The following SPECC1 variants were observed in gnomAD, a reference collection of about 807,000 sequenced individuals.
The protein encoded by SPECC1 is cytospin-B.
SPECC1 carries 62 observed loss-of-function variants against 104.1 expected under a neutral mutation model. The observed-to-expected ratio is 0.60, with a 90% CI of 0.49 to 0.74. SPECC1 has a LOEUF of 0.74. SPECC1 is among the 30% of genes least tolerant of loss of function. The probability of loss-of-function intolerance (pLI) is 0.00; values close to 1 mark genes in which losing one functional copy is unlikely to be tolerated. For synonymous variants in SPECC1, 513 were observed against 501.6 expected (o/e 1.02, Z -0.30); for missense variants, 1,306 against 1,310.5 (o/e 1.00, Z 0.05).
At chr17:20,019,577 C>CT (rs972090040) in intron 1 of SPECC1, among the ~76,000 whole-genome samples, 1 of 152,152 alleles carries the variant, frequency 6.6e-6, no homozygotes, top group Non-Finnish European at 1.5e-5. Flanking sequence ...TCCTTTTGAA[C>CT]TTTATCTGCA....
chr17:20,228,591 A>G (rs1018764194), intron 5 of SPECC1, among the ~76,000 whole-genome samples: 5 of 152,234 alleles, frequency 3.3e-5, no homozygotes, highest in Middle Eastern at 3.2e-3. Flanking sequence ...ACAGAGATGG[A>G]TGATAGGTAT....
chr17:20,079,087 G>A (rs1422577334), intron 1 of SPECC1, among the ~76,000 whole-genome samples: 1 of 152,120 alleles, frequency 6.6e-6, no homozygotes, highest in Non-Finnish European at 1.5e-5. Context: ...ATGCTTAAAG[G>A]TCTTAACTTA....
At chr17:20,165,443 T>C (rs2033570442) in intron 3 of SPECC1, among the ~76,000 whole-genome samples, 2 of 152,264 alleles carry the variant, frequency 1.3e-5, no homozygotes, top group South Asian at 4.1e-4. Flanking sequence ...ACATTTTCTT[T>C]ATCCACTCTG....
intron 7 of SPECC1, 102 bp from the exon 8 acceptor site, chr17:20,245,824 C>A: frequency 7.5e-7 from 1 of 1,332,528 alleles, no homozygotes; most frequent in Non-Finnish European, 1.0e-6. Flanking sequence ...TCCCTTCCAG[C>A]TTCATTTATT....
chr17:20,023,808 A>AT (rs1246950081), intron 1 of SPECC1, among the ~76,000 whole-genome samples: 3 of 141,000 alleles, frequency 2.1e-5, no homozygotes, highest in African/African-American at 5.0e-5. Flanking sequence ...GTGGCAGAAA[A>AT]TAAAAAAAAA....
chr17:20,101,293 G>A (rs1386340175), intron 2 of SPECC1, among the ~76,000 whole-genome samples: 1 of 152,200 alleles, frequency 6.6e-6, no homozygotes, highest in Admixed American at 6.5e-5. Context: ...CAGTGTAAAA[G>A]CATTCCTATT....
intron 3 of SPECC1, among the ~76,000 whole-genome samples, chr17:20,167,549 A>G (rs1338366604): frequency 2.6e-5 from 4 of 152,152 alleles, no homozygotes; most frequent in African/African-American, 9.7e-5. Context: ...ATAGTGGTGC[A>G]TGCCTGTAAT....
chr17:20,188,998 G>A (rs1327867051), intron 3 of SPECC1, among the ~76,000 whole-genome samples: 1 of 152,138 alleles, frequency 6.6e-6, no homozygotes, highest in Non-Finnish European at 1.5e-5. Flanking sequence ...TGATCTCTGT[G>A]AGGTATAACT....
chr17:20,210,532 C>T (rs2037070981), intron 4 of SPECC1, among the ~76,000 whole-genome samples: 1 of 152,220 alleles, frequency 6.6e-6, no homozygotes, highest in Non-Finnish European at 1.5e-5. Context: ...ACCTTTACAT[C>T]TGATTGGTGA....
At chr17:20,308,384 C>A (rs1427282761) in intron 14 of SPECC1, among the ~76,000 whole-genome samples, 2 of 47,702 alleles carry the variant, frequency 4.2e-5, no homozygotes, top group Admixed American at 5.1e-4. Flanking sequence ...AGCGAAACTC[C>A]ATCTCAAAAA....
At chr17:20,135,457 T>G (rs1567868571) in intron 3 of SPECC1, among the ~76,000 whole-genome samples, 1 of 152,170 alleles carries the variant, frequency 6.6e-6, no homozygotes, top group East Asian at 1.9e-4. Flanking sequence ...CAAATTTGTT[T>G]ATGTATTCAT....
intron 1 of SPECC1, among the ~76,000 whole-genome samples, chr17:20,093,794 A>G (rs979017310): frequency 2.0e-5 from 3 of 148,216 alleles, no homozygotes; most frequent in African/African-American, 7.5e-5. Context: ...GCAGTAGCTC[A>G]ATCTTGGTTC....
chr17:20,046,614 T>C (rs1251970995), intron 1 of SPECC1, among the ~76,000 whole-genome samples: 1 of 152,068 alleles, frequency 6.6e-6, no homozygotes, highest in African/African-American at 2.4e-5. Context: ...AAAAGTGGAA[T>C]AGGGTGAGTG....
chr17:20,113,533 C>T (rs552314436), intron 3 of SPECC1, among the ~76,000 whole-genome samples: 5 of 152,084 alleles, frequency 3.3e-5, no homozygotes, highest in Non-Finnish European at 5.9e-5. Flanking sequence ...GATCAGACTC[C>T]CTAAGACTCT....
At chr17:20,044,762 A>T (rs1483271541) in intron 1 of SPECC1, among the ~76,000 whole-genome samples, 1 of 152,158 alleles carries the variant, frequency 6.6e-6, no homozygotes, top group African/African-American at 2.4e-5. Context: ...TATAATGATA[A>T]TGGGACTGTA....
chr17:20,308,553 A>G (rs1390639334), intron 14 of SPECC1, among the ~76,000 whole-genome samples: 5 of 152,176 alleles, frequency 3.3e-5, no homozygotes, highest in Non-Finnish European at 5.9e-5. Flanking sequence ...AAATACAAGT[A>G]TGTTTCTTCA....
In SPECC1 at chr17:20,114,348, C is replaced by T. The variant is rs181284603; in HGVS notation, c.283+3786C>T. 3.8e-4 allele frequency among the ~76,000 whole-genome samples: 58 copies of T among 152,150 alleles called. 1 individual carries two copies. In the East Asian group the frequency reaches 0.01, roughly 27 times the overall value. On this transcript the variant is annotated intron_variant, in intron 3 of 14. Coordinates refer to ENST00000395527, the MANE Select transcript of SPECC1 (RefSeq NM_001243439.2). ...CTGGGACTACAGGTGCACACCACCA[C>T]GCCCAGCTAATTTTTGTATTTTTAG...
chr17:20,161,790 TTTTC>T (rs1028330336), intron 3 of SPECC1, among the ~76,000 whole-genome samples: 2 of 145,996 alleles, frequency 1.4e-5, no homozygotes, highest in African/African-American at 2.7e-5. Flanking sequence ...TCACTTCTTT[TTTTC>T]TTTCTTTTTT....
chr17:20,032,635 C>G (rs1485705442), intron 1 of SPECC1, among the ~76,000 whole-genome samples: 1 of 151,868 alleles, frequency 6.6e-6, no homozygotes, highest in Non-Finnish European at 1.5e-5. Flanking sequence ...ATTTCTATGC[C>G]TTTATTGATA....
Sources: allele counts gnomAD v4.1 joint callset (sites outside exome capture counted in the v4.1 genomes callset), GRCh38; gene constraint gnomAD v4.1.1; transcripts MANE v1.5; gene names NCBI Gene and HGNC (gene_info 2026-07-23, HGNC 2026-07-21).